DPCD: variants seen among roughly 807,000 people sequenced by gnomAD.
DPCD encodes the protein deleted in primary ciliary dyskinesia homolog (mouse).
A neutral mutation model predicts 26.4 loss-of-function variants in DPCD; 20 were observed. The observed-to-expected ratio is 0.76, with a 90% CI of 0.53 to 1.10. The LOEUF (loss-of-function observed/expected upper bound fraction) is 1.10. DPCD is among the 50% of genes least tolerant of loss of function. The probability of loss-of-function intolerance (pLI) is 0.00; values close to 1 mark genes in which losing one functional copy is unlikely to be tolerated. For missense variants in DPCD, 202 were observed against 253.9 expected (o/e 0.80, Z 1.39); for synonymous variants, 97 against 94.2 (o/e 1.03, Z -0.17).
At chr10:101,593,292 T>C (rs1187652961) in intron 1 of DPCD, among the ~76,000 whole-genome samples, 1 of 152,160 alleles carries the variant, frequency 6.6e-6, no homozygotes, top group Non-Finnish European at 1.5e-5. Context: ...CCTAGGGCTC[T>C]GCTAGAGGCC....
chr10:101,605,271 C>T (rs2063726268), intron 4 of DPCD: 1 of 1,542,652 alleles, frequency 6.5e-7, no homozygotes, highest in Non-Finnish European at 8.7e-7. Flanking sequence ...CCTTCAGCCT[C>T]CAGAGTCTCT....
chr10:101,598,151 C>T (rs1306311854), intron 2 of DPCD, among the ~76,000 whole-genome samples: 1 of 152,138 alleles, frequency 6.6e-6, no homozygotes, highest in East Asian at 1.9e-4. Context: ...GCACAGAAAA[C>T]CCTGGGGTGG....
chr10:101,607,184 G>T (rs545171170), intron 4 of DPCD, among the ~76,000 whole-genome samples: 1 of 152,346 alleles, frequency 6.6e-6, no homozygotes, highest in South Asian at 2.1e-4. Context: ...TTGCAGGGAA[G>T]ATGTTAACAC....
chr10:101,592,359 C>G (rs2063616314), intron 1 of DPCD, among the ~76,000 whole-genome samples: 1 of 151,986 alleles, frequency 6.6e-6, no homozygotes. Context: ...CCACTGCACT[C>G]CAGCCTAGGG....
chr10:101,588,345 G>A lies in DPCD; in HGVS notation c.9G>A (p.Val3=), dbSNP rs1484103357. MA[V]TGWLESLRTA... ...TGCTTAGCAGGGGAAAGATGGCGGT[G>A]ACGGGCTGGTTGGAGAGTCTGCGGA... The change falls in exon 1 of 6, where the codon GTG becomes GTA. Residue 3 remains valine (V), a synonymous_variant. Transcript: ENST00000370151. The A allele has an allele frequency of 1.3e-5, 21 of 1,599,640 alleles. No individual in the cohort carries two copies. Among genetic ancestry groups the A allele is most frequent in the Middle Eastern group, 1.7e-4 (1 of 6,038 alleles).
rs777422119 is a variant in DPCD at position 101,588,467 on chromosome 10, C to T, written c.64+67C>T. 5.1e-5 allele frequency: 79 copies of T among 1,544,460 alleles called. No homozygotes were observed. In the African/African-American group the frequency reaches 1.0e-3, roughly 20 times the overall value. ...CAGGGTCCGGCCCTCCGGGAAGGGCCTCAGGGCCTGGGTCGGCAGAGCTGG... is the reference window on the plus strand; with the variant it reads ...CAGGGTCCGGCCCTCCGGGAAGGGCTTCAGGGCCTGGGTCGGCAGAGCTGG... On this transcript the variant is annotated intron_variant, in intron 1 of 5. Coordinates refer to ENST00000370151, the MANE Select transcript of DPCD (RefSeq NM_015448.3).
Position 101,603,650 on chromosome 10 carries a change from G to A in DPCD, c.404+2314G>A, listed in dbSNP as rs1050354604. On this transcript the variant is annotated intron_variant, in intron 4 of 5. Transcript: ENST00000370151. This position sits in a 1 kb window ranked among gnomAD's most constrained non-coding sequence, Gnocchi z 4.6. Reference sequence around the variant, plus strand: ...TGCATGCCTGTAGTCCCAGCTACTCGGGAGGCTGAGGAAGGAGAATCGCTT... The same window carrying A: ...TGCATGCCTGTAGTCCCAGCTACTCAGGAGGCTGAGGAAGGAGAATCGCTT... Among the ~76,000 whole-genome samples the A allele has an allele frequency of 1.1e-4, 16 of 151,918 alleles. No homozygotes were observed. The highest frequency in any genetic ancestry group is 2.9e-4 in the African/African-American group (12 of 41,352).
intron 1 of DPCD, among the ~76,000 whole-genome samples, chr10:101,592,884 T>G (rs1230261376): frequency 1.3e-5 from 2 of 150,356 alleles, no homozygotes; most frequent in Non-Finnish European, 3.0e-5. Flanking sequence ...TGTGGTAGCA[T>G]TCACCTGTAG....
chr10:101,593,764 T>G (rs1175740318), intron 1 of DPCD, among the ~76,000 whole-genome samples: 3 of 152,176 alleles, frequency 2.0e-5, no homozygotes, highest in African/African-American at 7.2e-5. Context: ...AACTTTTTTG[T>G]ATTTTTAGTA....
chr10:101,599,937 G>C (rs2063680643), intron 2 of DPCD, among the ~76,000 whole-genome samples: 1 of 152,192 alleles, frequency 6.6e-6, no homozygotes, highest in Non-Finnish European at 1.5e-5. Flanking sequence ...CATGGTTCCT[G>C]AAAATGAAAA....
chr10:101,597,704 C>G (rs2063664137), intron 2 of DPCD, among the ~76,000 whole-genome samples: 1 of 152,220 alleles, frequency 6.6e-6, no homozygotes, highest in Non-Finnish European at 1.5e-5. Context: ...GAAGCTGCCT[C>G]ACACCAGTTT....
At chr10:101,608,185 G>A (rs1309570111) in intron 4 of DPCD, among the ~76,000 whole-genome samples, 5 of 152,150 alleles carry the variant, frequency 3.3e-5, no homozygotes, top group Non-Finnish European at 1.5e-5. Context: ...TGTAAAAATG[G>A]AGGAGTAGGG....
At chr10:101,608,474 A>C (rs1276623163) in intron 4 of DPCD, among the ~76,000 whole-genome samples, 1 of 152,174 alleles carries the variant, frequency 6.6e-6, no homozygotes, top group Non-Finnish European at 1.5e-5. Flanking sequence ...TGGTGTCTCC[A>C]TGAGGCTTTG....
At chr10:101,606,489 T>C (rs972535275) in intron 4 of DPCD, among the ~76,000 whole-genome samples, 2 of 151,346 alleles carry the variant, frequency 1.3e-5, no homozygotes, top group Non-Finnish European at 2.9e-5. Flanking sequence ...CCTTTTCTTT[T>C]AATTTTTTGT....
At chr10:101,605,019 C>T (rs994698675) in intron 4 of DPCD, 14 of 1,401,332 alleles carry the variant, frequency 1.0e-5, no homozygotes, top group African/African-American at 7.3e-5. Context: ...TTGGTGGGGC[C>T]GAGAGCCTTT....
At chr10:101,604,207 G>C (rs1412840172) in intron 4 of DPCD, among the ~76,000 whole-genome samples, 2 of 152,178 alleles carry the variant, frequency 1.3e-5, no homozygotes, top group African/African-American at 4.8e-5. Context: ...AGGTGGACAG[G>C]ATCCATACTT....
In DPCD at chr10:101,595,685, G is replaced by A. The variant is rs143831087; in HGVS notation, c.145+947G>A. On this transcript the variant is annotated intron_variant, in intron 2 of 5. Transcript: ENST00000370151. ...TCCAGTCTTAAAATGTTTGTCCTGCGCATGTTCAGTCGCACAGTGAAGTGT... is the reference window on the plus strand; with the variant it reads ...TCCAGTCTTAAAATGTTTGTCCTGCACATGTTCAGTCGCACAGTGAAGTGT... Among the ~76,000 whole-genome samples the A allele has an allele frequency of 9.2e-5, 14 of 152,204 alleles. No homozygotes were observed. The East Asian group carries it at 2.3e-3, about 25-fold the overall frequency.
At chr10:101,591,645 A>G (rs2063608634) in intron 1 of DPCD, among the ~76,000 whole-genome samples, 1 of 152,166 alleles carries the variant, frequency 6.6e-6, no homozygotes, top group African/African-American at 2.4e-5. Context: ...TATGAAAAAT[A>G]AAGAAGTCAA....
chr10:101,609,646 C>T lies in DPCD; in HGVS notation c.*175C>T, dbSNP rs2063762819. On this transcript the variant is annotated 3_prime_UTR_variant, in exon 6 of 6. Coordinates refer to ENST00000370151, the MANE Select transcript of DPCD (RefSeq NM_015448.3). ...GTCATATTTCCTGAGTAAAGTCATT[C>T]TGAGTTACTTACTGCACAGGGACTG... 2 of 607,456 alleles carry T rather than the reference C, an allele frequency of 3.3e-6. No homozygotes were observed. Among genetic ancestry groups the T allele is most frequent in the Non-Finnish European group, 5.8e-6 (2 of 345,548 alleles). The allele number at this position is 607,456 out of a possible 1,614,324, so 37.6% of individuals were successfully genotyped here. A position where few individuals can be genotyped will look rare whatever the true frequency, so the allele number is the denominator to read the frequency against.
Sources: allele counts gnomAD v4.1 joint callset (sites outside exome capture counted in the v4.1 genomes callset), GRCh38; gene constraint gnomAD v4.1.1; non-coding constraint Gnocchi (gnomAD v3.1); transcripts MANE v1.5; gene names NCBI Gene and HGNC (gene_info 2026-07-23, HGNC 2026-07-21).